The following AHDC1 variants were observed in gnomAD, a reference collection of about 807,000 sequenced individuals.
AHDC1 encodes the protein transcription factor Gibbin.
In AHDC1, 7 loss-of-function variants were observed where a neutral mutation model predicts 87.9. The observed-to-expected ratio is 0.08, with a 90% CI of 0.05 to 0.15. The LOEUF is 0.15. Among genes scored for constraint, AHDC1 ranks in the 10% least tolerant of loss-of-function variants. The pLI, the probability that AHDC1 is intolerant of heterozygous loss-of-function variation, is 1.00. For missense variants in AHDC1, 1,841 were observed against 2,253.2 expected (o/e 0.82, Z 3.70); for synonymous variants, 1,051 against 1,006.8 (o/e 1.04, Z -0.83).
At chr1:27,582,935 C>T (rs1326241463) in intron 3 of AHDC1, among the ~76,000 whole-genome samples, 1 of 151,994 alleles carries the variant, frequency 6.6e-6, no homozygotes. Flanking sequence ...TTTTTTGAGA[C>T]GGAGTCTTCC....
chr1:27,585,887 C>T (rs927991099), intron 3 of AHDC1, among the ~76,000 whole-genome samples: 2 of 152,238 alleles, frequency 1.3e-5, no homozygotes, highest in African/African-American at 4.8e-5. Flanking sequence ...CTTAGCCTCT[C>T]TGAGCCTCAG....
At position 27,551,128 on chromosome 1, in the gene AHDC1, C is replaced by G. The variant is rs2019532646; in HGVS notation, c.988G>C (p.Asp330His). The change falls in exon 8 of 9, where the codon GAC (aspartate) becomes CAC (histidine). Residue 330 changes from aspartate (D) to histidine (H), a missense_variant. Coordinates refer to ENST00000673934, the MANE Select transcript of AHDC1 (RefSeq NM_001371928.1). ...GGCAGGGGGTCGAGTGCCTGGGGGT[C>G]AAGCAGCTGCGACTCCAAGGAGTCA... ...LPDSLESQLL[D>H]PQALDPLPKL... 1.3e-6 allele frequency: 2 copies of G among 1,593,368 alleles called. No individual in the cohort carries two copies. Among genetic ancestry groups the G allele is most frequent in the South Asian group, 2.2e-5 (2 of 89,462 alleles).
At chr1:27,596,696 C>T (rs1036385518) in intron 3 of AHDC1, among the ~76,000 whole-genome samples, 13 of 152,154 alleles carry the variant, frequency 8.5e-5, no homozygotes, top group African/African-American at 2.2e-4. Flanking sequence ...TGCACGCTCA[C>T]ACATGCAGTT....
At chr1:27,602,453 C>T (rs1036807523) in intron 3 of AHDC1, among the ~76,000 whole-genome samples, 1 of 152,174 alleles carries the variant, frequency 6.6e-6, no homozygotes, top group African/African-American at 2.4e-5. Flanking sequence ...AGCCCCCAAA[C>T]TCTGGGTTGC....
rs1312750045 is a variant in AHDC1 at position 27,565,011 on chromosome 1, C to G, written c.-628-6128G>C. Among the ~76,000 whole-genome samples, 8 of 152,286 alleles carry G rather than the reference C, an allele frequency of 5.3e-5. No individual in the cohort carries two copies. Among genetic ancestry groups the G allele is most frequent in the African/African-American group, 1.9e-4 (8 of 41,564 alleles). On this transcript the variant is annotated intron_variant, in intron 3 of 8. Coordinates refer to ENST00000673934, the MANE Select transcript of AHDC1 (RefSeq NM_001371928.1). The surrounding 1 kb of genome is among the most constrained non-coding windows in gnomAD (Gnocchi z 4.6). ...CGGACAGCCTCAGAGCAGAGTCCCCCTAGCCCCTGGGGGTGGCTGGAGCTG... is the reference window on the plus strand; with the variant it reads ...CGGACAGCCTCAGAGCAGAGTCCCCGTAGCCCCTGGGGGTGGCTGGAGCTG...
chr1:27,552,261 G>A, intron 7 of AHDC1, 72 bp from the exon 8 acceptor site: 1 of 1,339,806 alleles, frequency 7.5e-7, no homozygotes, highest in Non-Finnish European at 9.6e-7. Flanking sequence ...TATCCTTGAT[G>A]AGCTCCTGGA....
In AHDC1 at chr1:27,534,257, TTTTG is replaced by T. The variant is rs1372521836; in HGVS notation, c.*699_*702del. On this transcript the variant is annotated 3_prime_UTR_variant, in exon 9 of 9. Coordinates refer to ENST00000673934, the MANE Select transcript of AHDC1 (RefSeq NM_001371928.1). ...ACAAGACACAAGGTTGGTTTTTTTTTTTTGTTTTTTTTTTGTTTTTTTTTTGCTT... is the reference window on the plus strand; with the variant it reads ...ACAAGACACAAGGTTGGTTTTTTTTTTTTTTTTTTTGTTTTTTTTTTGCTT... The T allele has an allele frequency of 1.2e-4, 17 of 139,528 alleles. No homozygotes were observed. Among genetic ancestry groups the T allele is most frequent in the East Asian group, 5.1e-4 (2 of 3,930 alleles). The allele number at this position is 139,528 out of a possible 1,614,324, so 8.6% of individuals were successfully genotyped here. A position where few individuals can be genotyped will look rare whatever the true frequency, so the allele number is the denominator to read the frequency against.
chr1:27,552,255 C>T, intron 7 of AHDC1, 66 bp from the exon 8 acceptor site: 1 of 1,349,196 alleles, frequency 7.4e-7, no homozygotes, highest in Non-Finnish European at 9.5e-7. Context: ...TTCCCATATC[C>T]TTGATGAGCT....
At position 27,595,135 on chromosome 1, in the gene AHDC1, T is replaced by C. The variant is rs779784356; in HGVS notation, c.-629+8262A>G. On this transcript the variant is annotated intron_variant, in intron 3 of 8. Transcript: ENST00000673934. The surrounding 1 kb of genome is among the most constrained non-coding windows in gnomAD (Gnocchi z 4.0). The stretch of plus-strand genomic sequence containing the variant: ...TATACTAGAACCGAAGCCATGTCTG[T>C]GTGTTTGAGGCAAATGTTGTGGCTA... Among the ~76,000 whole-genome samples the C allele has an allele frequency of 2.0e-5, 3 of 152,006 alleles. No homozygotes were observed. Among genetic ancestry groups the C allele is most frequent in the Non-Finnish European group, 4.4e-5 (3 of 67,994 alleles).
rs2089295953 is a variant in AHDC1 at position 27,593,956 on chromosome 1, C to T, written c.-629+9441G>A. ...TCAGTGGAGCCCTTCTGTGAGCCTTCCCTCAGCAAGAGAGGAGGCACGAGG... is the reference window on the plus strand; with the variant it reads ...TCAGTGGAGCCCTTCTGTGAGCCTTTCCTCAGCAAGAGAGGAGGCACGAGG... On this transcript the variant is annotated intron_variant, in intron 3 of 8. Transcript: ENST00000673934. This position sits in a 1 kb window ranked among gnomAD's most constrained non-coding sequence, Gnocchi z 4.9. Among the ~76,000 whole-genome samples the T allele has an allele frequency of 6.6e-6, 1 of 152,152 alleles. No individual in the cohort carries two copies. The highest frequency in any genetic ancestry group is 2.4e-5 in the African/African-American group (1 of 41,418).
At chr1:27,577,767 T>C (rs1410125855) in intron 3 of AHDC1, among the ~76,000 whole-genome samples, 1 of 152,000 alleles carries the variant, frequency 6.6e-6, no homozygotes, top group Non-Finnish European at 1.5e-5. Context: ...GCCACCCTGC[T>C]CCCCTCCCCC....
rs566326470 is a variant in AHDC1 at position 27,576,722 on chromosome 1, C to T, written c.-628-17839G>A. ...CCTGGGGACCCCTTCTGCTCTGGTC[C>T]CAGTTCCAGGCATGAGGGGCTGTTC... On this transcript the variant is annotated intron_variant, in intron 3 of 8. Transcript: ENST00000673934. Among the ~76,000 whole-genome samples the T allele has an allele frequency of 2.6e-5, 4 of 152,308 alleles. No homozygotes were observed. In the South Asian group the frequency reaches 8.3e-4, roughly 32 times the overall value.
In AHDC1 at chr1:27,590,724, G is replaced by A. The variant is rs188778438; in HGVS notation, c.-629+12673C>T. On this transcript the variant is annotated intron_variant, in intron 3 of 8. Transcript: ENST00000673934. The surrounding 1 kb of genome is among the most constrained non-coding windows in gnomAD (Gnocchi z 5.4). ...GGAAACTGAGGCAGTGAAGCCCTCC[G>A]CCCTACTCATCACAATGAGTCAGAG... Among the ~76,000 whole-genome samples, 11 of 152,292 alleles carry A rather than the reference G, an allele frequency of 7.2e-5. No individual in the cohort carries two copies. Among genetic ancestry groups the A allele is most frequent in the Non-Finnish European group, 1.0e-4 (7 of 68,028 alleles).
At position 27,560,551 on chromosome 1, in the gene AHDC1, C is replaced by T. The variant is rs1284080698; in HGVS notation, c.-628-1668G>A. Among the ~76,000 whole-genome samples the T allele has an allele frequency of 1.3e-5, 2 of 152,056 alleles. No homozygotes were observed. The highest frequency in any genetic ancestry group is 2.9e-5 in the Non-Finnish European group (2 of 68,016). ...CCACCTCTGCCTTTCTCTGGGTTTT[C>T]AGGGTCATGGTGTGGCAGTGTGACT... is the stretch of plus-strand genomic sequence containing the variant. On this transcript the variant is annotated intron_variant, in intron 3 of 8. Coordinates refer to ENST00000673934, the MANE Select transcript of AHDC1 (RefSeq NM_001371928.1). The surrounding 1 kb of genome is among the most constrained non-coding windows in gnomAD (Gnocchi z 4.1).
At chr1:27,567,257 A>G (rs1193246408) in intron 3 of AHDC1, among the ~76,000 whole-genome samples, 1 of 152,170 alleles carries the variant, frequency 6.6e-6, no homozygotes, top group African/African-American at 2.4e-5. Flanking sequence ...CCTAACGCAG[A>G]GCCCAGGCCT....
At chr1:27,599,177 C>T (rs913376254) in intron 3 of AHDC1, among the ~76,000 whole-genome samples, 2 of 151,800 alleles carry the variant, frequency 1.3e-5, no homozygotes, top group Non-Finnish European at 2.9e-5. Context: ...CACAGCCCTA[C>T]CACAGGGCCA....
intron 3 of AHDC1, among the ~76,000 whole-genome samples, chr1:27,568,581 C>T (rs1444031993): frequency 6.6e-6 from 1 of 152,074 alleles, no homozygotes; most frequent in African/African-American, 2.4e-5. Context: ...AGGAGCGGTG[C>T]CCGCGAGGGG....
At position 27,548,488 on chromosome 1, in the gene AHDC1, C is replaced by T. The variant is rs1355731397; in HGVS notation, c.3628G>A (p.Glu1210Lys). 1.2e-6 allele frequency: 2 copies of T among 1,613,908 alleles called. No homozygotes were observed. The highest frequency in any genetic ancestry group is 1.7e-6 in the Non-Finnish European group (2 of 1,180,038). ...SLEKLMMDWN[E>K]ASSAPGYNWN... The stretch of plus-strand genomic sequence containing the variant: ...TTGTAGCCGGGGGCAGATGATGCCT[C>T]GTTCCAGTCCATCATCAGTTTCTCC... Residue 1210 changes from glutamate (E) to lysine (K), a missense_variant, in exon 8 of 9, where the codon GAG becomes AAG. Coordinates refer to ENST00000673934, the MANE Select transcript of AHDC1 (RefSeq NM_001371928.1).
At chr1:27,568,591 G>GGCGGGCCGC (rs1362765430) in intron 3 of AHDC1, among the ~76,000 whole-genome samples, 1 of 152,130 alleles carries the variant, frequency 6.6e-6, no homozygotes. Flanking sequence ...CCCGCGAGGG[G>GGCGGGCCGC]GCGGGCCGCG....
Sources: gnomAD v4.1 joint callset for allele counts (sites outside exome capture counted in the v4.1 genomes callset) on GRCh38, gnomAD v4.1.1 for gene constraint, Gnocchi (gnomAD v3.1) non-coding constraint, MANE v1.5 for transcripts, NCBI Gene and HGNC (gene_info 2026-07-23, HGNC 2026-07-21) for gene names.